Variants in YDJC observed in about 807,000 individuals in gnomAD.
YDJC encodes the protein carbohydrate deacetylase.
YDJC carries 23 observed loss-of-function variants against 18.9 expected under a neutral mutation model. The ratio of observed to expected loss-of-function variants is 1.22; its 90% CI spans 0.87 to 1.72. The LOEUF is 1.72. Ranked by LOEUF, YDJC falls within the 40% of genes most tolerant of loss-of-function variation. The pLI, the probability that YDJC is intolerant of heterozygous loss-of-function variation, is 0.00. For missense variants in YDJC, 467 were observed against 470.8 expected (o/e 0.99, Z 0.07); for synonymous variants, 224 against 217.6 (o/e 1.03, Z -0.26).
Position 21,629,158 on chromosome 22 carries a change from G to C in YDJC, c.454C>G (p.Gln152Glu). 6.5e-7 allele frequency: 1 copy of C among 1,541,210 alleles called. No individual in the cohort carries two copies. Residue 152 changes from glutamine (Q) to glutamate (E), a missense_variant, in exon 4 of 5, where the codon CAG becomes GAG. Transcript: ENST00000292778. Reference protein sequence around the residue: ...GVCQVFAEALQAYGVRFTRLP... With the variant: ...GVCQVFAEALEAYGVRFTRLP... ...CGCGTAAAGCGCACCCCATAGGCCT[G>C]CAGCGCCTCGGCGAACACCTGGCAC...
Position 21,628,558 on chromosome 22 carries a change from T to G in YDJC, c.832A>C (p.Thr278Pro). The G allele has an allele frequency of 6.2e-7, 1 of 1,611,082 alleles. No homozygotes were observed. Among genetic ancestry groups the G allele is most frequent in the Non-Finnish European group, 8.5e-7 (1 of 1,178,554 alleles). Residue 278 changes from threonine (T) to proline (P), a missense_variant, in exon 5 of 5, where the codon ACC becomes CCC. Physicochemically the swap from Thr to Pro is conservative, Grantham distance 38. Coordinates refer to ENST00000292778, the MANE Select transcript of YDJC (RefSeq NM_001017964.2). ...AGCTGGGCCCGCAGCGTGGGCGCGG[T>G]GAGGACGCGCAGCTCATGCAGCCGC... ...WERLHELRVLTAPTLRAQLAQ... is the reference protein window; with the variant it reads ...WERLHELRVLPAPTLRAQLAQ...
Position 21,629,429 on chromosome 22 carries a change from C to T in YDJC, c.325-22G>A, listed in dbSNP as rs1298481286. The T allele has an allele frequency of 2.6e-6, 4 of 1,542,040 alleles. No homozygotes were observed. The African/African-American group carries it at 5.5e-5, about 21-fold the overall frequency. On this transcript the variant is annotated intron_variant, in intron 2 of 4. Coordinates refer to ENST00000292778, the MANE Select transcript of YDJC (RefSeq NM_001017964.2). ...GCACCTAGAGGGCGAGCGAGAGACA[C>T]CTTGAGCGACCGGGAGTAGCTGCCG...
Position 21,628,574 on chromosome 22 carries a change from A to G in YDJC, c.816T>C (p.His272=), listed in dbSNP as rs1438421503. The G allele has an allele frequency of 6.2e-7, 1 of 1,609,026 alleles. No individual in the cohort carries two copies. Among genetic ancestry groups the G allele is most frequent in the African/African-American group, 1.3e-5 (1 of 74,982 alleles). Residue 272 remains histidine (H), a synonymous_variant, in exon 5 of 5, where the codon CAT becomes CAC. Transcript: ENST00000292778. ...TGGGCGCGGTGAGGACGCGCAGCTC[A>G]TGCAGCCGCTCCCAAGAGCAAGAGA... ...DAFSCSWERL[H]ELRVLTAPTL... is the part of the protein sequence containing the mutation.
rs1389793805 is a variant in YDJC, at chr22:21,628,712, C to T, written c.678G>A (p.Ala226=). 3.3e-6 allele frequency: 5 copies of T among 1,537,146 alleles called. No homozygotes were observed. The highest frequency in any genetic ancestry group is 1.4e-5 in the African/African-American group (1 of 73,032). ...MSAHRVSGAL[A]RVLEGTLAGH... is the part of the protein sequence containing the mutation. Reference sequence around the variant, plus strand: ...CCGCTAGGGTACCTTCCAGGACCCGCGCCAGGGCCCCGGACACGCGGTGAG... The same window carrying T: ...CCGCTAGGGTACCTTCCAGGACCCGTGCCAGGGCCCCGGACACGCGGTGAG... Residue 226 remains alanine (A), a synonymous_variant, in exon 5 of 5, where the codon GCG becomes GCA. Transcript: ENST00000292778.
Position 21,628,575 on chromosome 22 carries a change from T to C in YDJC, c.815A>G (p.His272Arg), listed in dbSNP as rs1930332598. ...GGGCGCGGTGAGGACGCGCAGCTCA[T>C]GCAGCCGCTCCCAAGAGCAAGAGAA... ...DAFSCSWERLHELRVLTAPTL... is the reference protein window; with the variant it reads ...DAFSCSWERLRELRVLTAPTL... Residue 272 changes from histidine (H) to arginine (R), a missense_variant, in exon 5 of 5, where the codon CAT becomes CGT. His to Arg is a conservative substitution (Grantham distance 29). Transcript: ENST00000292778. 1.9e-6 allele frequency: 3 copies of C among 1,608,798 alleles called. No homozygotes were observed. Among genetic ancestry groups the C allele is most frequent in the South Asian group, 2.2e-5 (2 of 90,852 alleles).
Position 21,628,471 on chromosome 22 carries a change from C to T in YDJC, c.919G>A (p.Glu307Lys). ...TCCAGAGTGGGCTCACAGGGGACCTCCTCCCCTGGCCTCTTGGAGTCCAGG... is the reference window on the plus strand; with the variant it reads ...TCCAGAGTGGGCTCACAGGGGACCTTCTCCCCTGGCCTCTTGGAGTCCAGG... ...DDLDSKRPGE[E>K]VPCEPTLEPF... Residue 307 changes from glutamate (E) to lysine (K), a missense_variant, in exon 5 of 5, where the codon GAG becomes AAG. By Grantham distance (56) the Glu-to-Lys change is moderately conservative. Coordinates refer to ENST00000292778, the MANE Select transcript of YDJC (RefSeq NM_001017964.2). 6.3e-7 allele frequency: 1 copy of T among 1,598,534 alleles called. No individual in the cohort carries two copies. Among genetic ancestry groups the T allele is most frequent in the Non-Finnish European group, 8.5e-7 (1 of 1,170,550 alleles).
In YDJC at chr22:21,628,612, C is replaced by T. The variant is rs762164454; in HGVS notation, c.778G>A (p.Gly260Ser). ...SVPPTGGCGEGPDAFSCSWER... is the reference protein window; with the variant it reads ...SVPPTGGCGESPDAFSCSWER... ...CAAGAGCAAGAGAAAGCGTCGGGGCCTTCACCGCAGCCGCCGGTGGGAGGC... is the reference window on the plus strand; with the variant it reads ...CAAGAGCAAGAGAAAGCGTCGGGGCTTTCACCGCAGCCGCCGGTGGGAGGC... The change falls in exon 5 of 5, where the codon GGC becomes AGC. Residue 260 changes from glycine to serine, a missense_variant. Coordinates refer to ENST00000292778, the MANE Select transcript of YDJC (RefSeq NM_001017964.2). 3.8e-6 allele frequency: 6 copies of T among 1,598,688 alleles called. No individual in the cohort carries two copies. Among genetic ancestry groups the T allele is most frequent in the South Asian group, 1.1e-5 (1 of 89,978 alleles).
In YDJC at chr22:21,628,472, C is replaced by T. The variant is rs151231056; in HGVS notation, c.918G>A (p.Glu306=). The part of the protein sequence containing the change: ...LDDLDSKRPG[E]EVPCEPTLEP... Reference sequence around the variant, plus strand: ...CCAGAGTGGGCTCACAGGGGACCTCCTCCCCTGGCCTCTTGGAGTCCAGGT... The same window carrying T: ...CCAGAGTGGGCTCACAGGGGACCTCTTCCCCTGGCCTCTTGGAGTCCAGGT... Residue 306 remains glutamate, a synonymous_variant, in exon 5 of 5, where the codon GAG becomes GAA. Coordinates refer to ENST00000292778, the MANE Select transcript of YDJC (RefSeq NM_001017964.2). 11 of 1,598,794 alleles carry T rather than the reference C, an allele frequency of 6.9e-6. No homozygotes were observed. The highest frequency in any genetic ancestry group is 9.4e-6 in the Non-Finnish European group (11 of 1,170,734).
rs1488690139 is a variant in YDJC, at chr22:21,628,203, G to A, written c.*215C>T. 7 of 556,618 alleles carry A rather than the reference G, an allele frequency of 1.3e-5. No individual in the cohort carries two copies. Among genetic ancestry groups the A allele is most frequent in the Non-Finnish European group, 1.7e-5 (6 of 357,836 alleles). 34.5% of individuals were successfully genotyped at this position (556,618 alleles called of 1,614,324 possible). A position where few individuals can be genotyped will look rare whatever the true frequency, so the allele number is the denominator to read the frequency against. On this transcript the variant is annotated 3_prime_UTR_variant, in exon 5 of 5. Coordinates refer to ENST00000292778, the MANE Select transcript of YDJC (RefSeq NM_001017964.2). ...CCAAATGCTCTGCGGGCCCTAGCCC[G>A]CTGCCACAGGCTAGGCCTGCCTGCA... is the stretch of plus-strand genomic sequence containing the variant.
intron 2 of YDJC, 38 bp downstream of exon 2, chr22:21,629,564 G>T (rs861856): frequency 1.2e-6 from 2 of 1,611,822 alleles, no homozygotes; most frequent in African/African-American, 1.3e-5. Context: ...AGCTCTGGGG[G>T]TCCTCGCGAG....
Position 21,629,611 on chromosome 22 carries a change from A to G in YDJC, c.315T>C (p.Asp105=), listed in dbSNP as rs200028137. The G allele has an allele frequency of 6.2e-7, 1 of 1,612,382 alleles. No homozygotes were observed. ...AGCTGCGGCTCCGCACCTGAGGCAAATCCACGTCTCCGGCCGCCACCGCCT... is the reference window on the plus strand; with the variant it reads ...AGCTGCGGCTCCGCACCTGAGGCAAGTCCACGTCTCCGGCCGCCACCGCCT... ...FREAVAAGDV[D]LPQVREELEA... Residue 105 remains aspartate (D), a synonymous_variant, in exon 2 of 5, where the codon GAT becomes GAC. Coordinates refer to ENST00000292778, the MANE Select transcript of YDJC (RefSeq NM_001017964.2).
rs1471422513 is a variant in YDJC, at chr22:21,628,687, C to T, written c.703G>A (p.Gly235Ser). ...LARVLEGTLA[G>S]HTLTAELMAH... Reference sequence around the variant, plus strand: ...ATCAGCTCGGCTGTCAGGGTGTGGCCCGCTAGGGTACCTTCCAGGACCCGC... The same window carrying T: ...ATCAGCTCGGCTGTCAGGGTGTGGCTCGCTAGGGTACCTTCCAGGACCCGC... The change falls in exon 5 of 5, where the codon GGC (glycine) becomes AGC (serine). Residue 235 changes from glycine to serine, a missense_variant. Physicochemically the swap from Gly to Ser is moderately conservative, Grantham distance 56 (BLOSUM62 0). Transcript: ENST00000292778. The T allele has an allele frequency of 6.4e-7, 1 of 1,554,770 alleles. No homozygotes were observed. The highest frequency in any genetic ancestry group is 8.7e-7 in the Non-Finnish European group (1 of 1,153,220).
rs762232912 is a variant in YDJC, at chr22:21,629,890, T to G, written c.125A>C (p.Asn42Thr). ...GAVTSVSLLV[N>T]GAATESAAEL... ...CGCCGCGCTCTCCGTGGCCGCACCG[T>G]TGACCAGCAGGGACACGCTGGTCAC... Residue 42 changes from asparagine (N) to threonine (T), a missense_variant, in exon 1 of 5, where the codon AAC becomes ACC. Coordinates refer to ENST00000292778, the MANE Select transcript of YDJC (RefSeq NM_001017964.2). 2.5e-6 allele frequency: 4 copies of G among 1,591,218 alleles called. No homozygotes were observed. The highest frequency in any genetic ancestry group is 3.4e-6 in the Non-Finnish European group (4 of 1,173,458).
rs1307415525 is a variant in YDJC, at chr22:21,629,401, C to A, written c.331G>T (p.Glu111Ter). The A allele has an allele frequency of 1.3e-6, 2 of 1,547,934 alleles. No homozygotes were observed. Among genetic ancestry groups the A allele is most frequent in the East Asian group, 2.4e-5 (1 of 41,002 alleles). ...CAGCTTAGTTGGGCCTCGAGCTCCT[C>A]CCGCACCTAGAGGGCGAGCGAGAGA... ...AGDVDLPQVR[E>*]ELEAQLSCFR... The change falls in exon 3 of 5, where the codon GAG becomes TAG. Residue 111 changes from glutamate (E) to a stop codon, truncating the protein, a stop_gained. Coordinates refer to ENST00000292778, the MANE Select transcript of YDJC (RefSeq NM_001017964.2). LOFTEE classifies it high-confidence loss of function.
Position 21,629,327 on chromosome 22 carries a change from C to A in YDJC, c.405G>T (p.Gln135His). The change falls in exon 3 of 5, where the codon CAG becomes CAT. Residue 135 changes from glutamine to histidine, a missense_variant. Coordinates refer to ENST00000292778, the MANE Select transcript of YDJC (RefSeq NM_001017964.2). ...GRAPTHADGHQHVHVLPGVCQ... is the reference protein window; with the variant it reads ...GRAPTHADGHHHVHVLPGVCQ... ...ACGCACCTGGGAGCACGTGCACGTG[C>A]TGGTGCCCGTCCGCGTGCGTGGGGG... 1 of 1,550,520 alleles carries A rather than the reference C, an allele frequency of 6.4e-7. No individual in the cohort carries two copies. Among genetic ancestry groups the A allele is most frequent in the East Asian group, 2.4e-5 (1 of 41,020 alleles).
chr22:21,629,145 AC>A lies in YDJC; in HGVS notation c.466del (p.Val156CysfsTer54). The A allele has an allele frequency of 6.5e-7, 1 of 1,540,476 alleles. No individual in the cohort carries two copies. On this transcript the variant is annotated frameshift_variant, in exon 4 of 5. Transcript: ENST00000292778. LOFTEE classifies it high-confidence loss of function. ...CTCCAGCGGCAGTCGCGTAAAGCGC[AC>A]CCCATAGGCCTGCAGCGCCTCGGCG... ...VFAEALQAYG[V>X]RFTRLPLERG... is the part of the protein sequence containing the mutation.
At position 21,628,132 on chromosome 22, in the gene YDJC, C is replaced by T; in HGVS notation, c.*286G>A. 3.0e-6 allele frequency: 1 copy of T among 331,608 alleles called. No homozygotes were observed. The highest frequency in any genetic ancestry group is 5.4e-6 in the Non-Finnish European group (1 of 183,646). 20.5% of individuals were successfully genotyped at this position (331,608 alleles called of 1,614,324 possible). A position where few individuals can be genotyped will look rare whatever the true frequency, so the allele number is the denominator to read the frequency against. On this transcript the variant is annotated 3_prime_UTR_variant, in exon 5 of 5. Coordinates refer to ENST00000292778, the MANE Select transcript of YDJC (RefSeq NM_001017964.2). ...TTTTATTAATATAGCCATCTCTCCC[C>T]ACTGCCCCAGTGGTGAAGGTGTTTG...
chr22:21,628,235 A>T lies in YDJC; in HGVS notation c.*183T>A. On this transcript the variant is annotated 3_prime_UTR_variant, in exon 5 of 5. Coordinates refer to ENST00000292778, the MANE Select transcript of YDJC (RefSeq NM_001017964.2). ...CAGGCTAGGCCTGCCTGCAGCCAAGAAGGCTGCTCAAACTCTAGATGCCAT... is the reference window on the plus strand; with the variant it reads ...CAGGCTAGGCCTGCCTGCAGCCAAGTAGGCTGCTCAAACTCTAGATGCCAT... 1 of 835,920 alleles carries T rather than the reference A, an allele frequency of 1.2e-6. No homozygotes were observed. Among genetic ancestry groups the T allele is most frequent in the Non-Finnish European group, 1.7e-6 (1 of 588,762 alleles). The allele number at this position is 835,920 out of a possible 1,614,324, so 51.8% of individuals were successfully genotyped here.
rs1260277555 is a variant in YDJC at position 21,629,333 on chromosome 22, C to G, written c.399G>C (p.Gly133=). 4.5e-6 allele frequency: 7 copies of G among 1,550,302 alleles called. No homozygotes were observed. Among genetic ancestry groups the G allele is most frequent in the Non-Finnish European group, 6.1e-6 (7 of 1,146,924 alleles). Residue 133 remains glycine (G), a synonymous_variant, in exon 3 of 5, where the codon GGG becomes GGC. Transcript: ENST00000292778. Reference sequence around the variant, plus strand: ...CTGGGAGCACGTGCACGTGCTGGTGCCCGTCCGCGTGCGTGGGGGCCCTGC... The same window carrying G: ...CTGGGAGCACGTGCACGTGCTGGTGGCCGTCCGCGTGCGTGGGGGCCCTGC... ...LLGRAPTHAD[G]HQHVHVLPGV...
Sources: allele counts gnomAD v4.1 joint callset, GRCh38; gene constraint gnomAD v4.1.1; transcripts MANE v1.5; gene names NCBI Gene and HGNC (gene_info 2026-07-23, HGNC 2026-07-21).